PDLIM5: variants seen among roughly 807,000 people sequenced by gnomAD.
The protein encoded by PDLIM5 is PDZ and LIM domain protein 5.
Under a neutral mutation model 64.2 loss-of-function variants are expected in PDLIM5, and 34 were observed. That is an observed-to-expected ratio of 0.53 (90% CI 0.40 to 0.71). PDLIM5 has a LOEUF of 0.71. Among genes scored for constraint, PDLIM5 ranks in the 30% least tolerant of loss-of-function variants. The pLI, the probability that PDLIM5 is intolerant of heterozygous loss-of-function variation, is 0.00. For synonymous variants in PDLIM5, 253 were observed against 269.1 expected (o/e 0.94, Z 0.59); for missense variants, 683 against 733.6 (o/e 0.93, Z 0.80).
intron 9 of PDLIM5, among the ~76,000 whole-genome samples, chr4:94,645,530 C>G (rs1741343614): frequency 6.6e-6 from 1 of 152,176 alleles, no homozygotes; most frequent in Non-Finnish European, 1.5e-5. Context: ...AACCCATCTG[C>G]TTGATTCTGA....
At chr4:94,503,623 T>G (rs1728125430) in intron 2 of PDLIM5, among the ~76,000 whole-genome samples, 1 of 151,566 alleles carries the variant, frequency 6.6e-6, no homozygotes, top group Middle Eastern at 3.4e-3. Context: ...AGGATTTCTT[T>G]CATTGCCAAT....
At chr4:94,528,784 C>T (rs1473686330) in intron 3 of PDLIM5, among the ~76,000 whole-genome samples, 5 of 151,986 alleles carry the variant, frequency 3.3e-5, no homozygotes, top group Non-Finnish European at 5.9e-5. Context: ...ATATATTACA[C>T]GGAATATTAT....
intron 9 of PDLIM5, among the ~76,000 whole-genome samples, chr4:94,648,546 C>T (rs1433150413): frequency 1.3e-5 from 2 of 152,190 alleles, no homozygotes; most frequent in Non-Finnish European, 1.5e-5. Context: ...GTGATCCGCC[C>T]GTCTCGGCCT....
At chr4:94,529,213 G>A (rs895045490) in intron 3 of PDLIM5, among the ~76,000 whole-genome samples, 9 of 152,090 alleles carry the variant, frequency 5.9e-5, no homozygotes, top group African/African-American at 2.2e-4. Flanking sequence ...TTACAGTCAC[G>A]GAAAGGAAGG....
intron 1 of PDLIM5, among the ~76,000 whole-genome samples, chr4:94,454,793 T>G (rs1457906671): frequency 1.3e-5 from 2 of 152,240 alleles, no homozygotes; most frequent in Admixed American, 1.3e-4. Context: ...TGCAGTCTCT[T>G]TCACATGTTA....
intron 3 of PDLIM5, among the ~76,000 whole-genome samples, chr4:94,540,339 C>G (rs912726568): frequency 6.6e-6 from 1 of 152,116 alleles, no homozygotes; most frequent in African/African-American, 2.4e-5. Flanking sequence ...AGGATGGTCT[C>G]GATCTCCTGA....
chr4:94,510,245 C>T (rs138798218), intron 2 of PDLIM5, among the ~76,000 whole-genome samples: 147 of 151,920 alleles, frequency 9.7e-4, no homozygotes, highest in Non-Finnish European at 1.8e-3. Flanking sequence ...TTTTCCACTC[C>T]AGTTTTTGGG....
intron 7 of PDLIM5, among the ~76,000 whole-genome samples, chr4:94,591,891 T>C (rs559233941): frequency 6.6e-6 from 1 of 152,360 alleles, no homozygotes; most frequent in South Asian, 2.1e-4. Context: ...TAGACCCCAG[T>C]TTAGACCTCA....
At chr4:94,525,574 G>C (rs1168403745) in intron 3 of PDLIM5, among the ~76,000 whole-genome samples, 2 of 152,184 alleles carry the variant, frequency 1.3e-5, no homozygotes, top group African/African-American at 4.8e-5. Context: ...TGCTACTGCT[G>C]TCCTAGGTGA....
intron 5 of PDLIM5, among the ~76,000 whole-genome samples, chr4:94,581,603 G>A (rs1474858647): frequency 6.6e-6 from 1 of 152,096 alleles, no homozygotes; most frequent in Non-Finnish European, 1.5e-5. Context: ...TTATGAAACT[G>A]ATTTTGACAT....
At chr4:94,607,676 CT>C (rs1305964826) in intron 7 of PDLIM5, among the ~76,000 whole-genome samples, 1 of 152,158 alleles carries the variant, frequency 6.6e-6, no homozygotes, top group Admixed American at 6.5e-5. Flanking sequence ...ACAGGCAGAC[CT>C]GGTCCAAATT....
intron 9 of PDLIM5, among the ~76,000 whole-genome samples, chr4:94,651,059 T>C (rs1741807694): frequency 6.6e-6 from 1 of 152,232 alleles, no homozygotes; most frequent in Non-Finnish European, 1.5e-5. Flanking sequence ...AACCCAATCC[T>C]ACCTGGAACA....
intron 7 of PDLIM5, among the ~76,000 whole-genome samples, chr4:94,613,410 A>G (rs1259245461): frequency 3.3e-5 from 5 of 152,194 alleles, no homozygotes; most frequent in Admixed American, 6.5e-5. Context: ...TTGTTGCAAC[A>G]GTTAAACAAA....
rs1560626570 is a variant in PDLIM5, at chr4:94,456,207, G to A, written c.96+823G>A. ...CAAATGGTGGCATATTATACACACA[G>A]TTTTTTTTGAGACAGAGTTTTGTTC... On this transcript the variant is annotated intron_variant, in intron 2 of 12. Transcript: ENST00000317968. 9 of 445,236 alleles carry A rather than the reference G, an allele frequency of 2.0e-5. No individual in the cohort carries two copies. The South Asian group carries it at 3.2e-4, about 16-fold the overall frequency. 27.6% of individuals were successfully genotyped at this position (445,236 alleles called of 1,614,324 possible).
chr4:94,662,748 G>T (rs918576317), intron 12 of PDLIM5, among the ~76,000 whole-genome samples: 12 of 151,462 alleles, frequency 7.9e-5, no homozygotes, highest in Non-Finnish European at 8.8e-5. Context: ...AGTCCTTAGA[G>T]AAAATACAAT....
At chr4:94,462,348 G>A (rs1177961645) in intron 2 of PDLIM5, among the ~76,000 whole-genome samples, 1 of 151,784 alleles carries the variant, frequency 6.6e-6, no homozygotes, top group Non-Finnish European at 1.5e-5. Flanking sequence ...AACACAAATA[G>A]TATGCTTAAT....
At chr4:94,477,979 C>T (rs1005869132) in intron 2 of PDLIM5, among the ~76,000 whole-genome samples, 14 of 152,062 alleles carry the variant, frequency 9.2e-5, no homozygotes, top group African/African-American at 1.4e-4. Context: ...TAGTATCAGC[C>T]GGGCACAGTG....
intron 7 of PDLIM5, among the ~76,000 whole-genome samples, chr4:94,616,939 G>T (rs1343286455): frequency 2.6e-5 from 4 of 152,172 alleles, no homozygotes; most frequent in Non-Finnish European, 4.4e-5. Flanking sequence ...TATAGCAAAA[G>T]AATACACAGC....
At chr4:94,503,714 C>CT (rs1728137270) in intron 2 of PDLIM5, among the ~76,000 whole-genome samples, 1 of 152,166 alleles carries the variant, frequency 6.6e-6, no homozygotes, top group Non-Finnish European at 1.5e-5. Context: ...ATACCTCAGA[C>CT]TTTTTTCTCC....
Sources: gnomAD v4.1 joint callset for allele counts (sites outside exome capture counted in the v4.1 genomes callset) on GRCh38, gnomAD v4.1.1 for gene constraint, MANE v1.5 for transcripts, NCBI Gene and HGNC (gene_info 2026-07-23, HGNC 2026-07-21) for gene names.